CHST9: variants seen among roughly 807,000 people sequenced by gnomAD.
CHST9 encodes GalNAc-4-sulfotransferase 2.
Under a neutral mutation model 44.4 loss-of-function variants are expected in CHST9, and 41 were observed. That is an observed-to-expected ratio of 0.92 (90% CI 0.72 to 1.20). The LOEUF (loss-of-function observed/expected upper bound fraction) is 1.20, where lower values mean the gene tolerates loss of function less well. Among genes scored for constraint, CHST9 ranks in the 50% most tolerant of loss-of-function variants. CHST9 has a pLI of 0.00. For missense variants in CHST9, 504 were observed against 516.5 expected (o/e 0.98, Z 0.23); for synonymous variants, 171 against 178.4 (o/e 0.96, Z 0.33).
At chr18:27,001,106 G>GA (rs1329758597) in intron 4 of CHST9, among the ~76,000 whole-genome samples, 1 of 152,146 alleles carries the variant, frequency 6.6e-6, no homozygotes, top group Non-Finnish European at 1.5e-5. Flanking sequence ...AGGGGAATTG[G>GA]AAAAACTTTA....
At chr18:27,137,220 A>G (rs114678517) in intron 2 of CHST9, among the ~76,000 whole-genome samples, 2,361 of 150,968 alleles carry the variant, frequency 0.016, 64 homozygotes, top group African/African-American at 0.054. Context: ...ATAATTTATT[A>G]TTTATTAATT....
At chr18:27,069,269 GCTGTTT>G (rs1403204400) in intron 2 of CHST9, among the ~76,000 whole-genome samples, 2 of 151,988 alleles carry the variant, frequency 1.3e-5, no homozygotes, top group African/African-American at 4.8e-5. Context: ...TATAATAAAG[GCTGTTT>G]ATGTTCTCTA....
intron 1 of CHST9, among the ~76,000 whole-genome samples, chr18:27,164,509 A>G (rs1183690067): frequency 1.3e-5 from 2 of 152,128 alleles, no homozygotes; most frequent in Non-Finnish European, 2.9e-5. Context: ...TAGGAATTTC[A>G]GACAGTTAGA....
At chr18:26,918,606 T>C (rs2055584473) in intron 5 of CHST9, among the ~76,000 whole-genome samples, 1 of 152,112 alleles carries the variant, frequency 6.6e-6, no homozygotes. Context: ...CCTATAATAA[T>C]TTCTCTCAAA....
chr18:26,982,532 T>C (rs78620574), intron 4 of CHST9, among the ~76,000 whole-genome samples: 2,928 of 152,244 alleles, frequency 0.019, 109 homozygotes, highest in African/African-American at 0.067. Context: ...AGTAAATTCA[T>C]TGTGTGTCAG....
chr18:27,030,603 C>T (rs1251714966), intron 3 of CHST9, among the ~76,000 whole-genome samples: 1 of 152,232 alleles, frequency 6.6e-6, no homozygotes, highest in African/African-American at 2.4e-5. Flanking sequence ...TTCCTGTGCA[C>T]TGCCGGCTGC....
intron 2 of CHST9, among the ~76,000 whole-genome samples, chr18:27,065,204 C>T (rs937106452): frequency 3.9e-4 from 59 of 152,304 alleles, no homozygotes; most frequent in African/African-American, 1.2e-3. Flanking sequence ...CTTTGGTCTG[C>T]TTTCAGAGGA....
chr18:26,911,736 A>G lies in CHST9; in HGVS notation c.*4523T>C, dbSNP rs2055443041. 1 of 152,242 alleles carries G rather than the reference A, an allele frequency of 6.6e-6. No homozygotes were observed. Among genetic ancestry groups the G allele is most frequent in the Non-Finnish European group, 1.5e-5 (1 of 68,052 alleles). 9.4% of individuals were successfully genotyped at this position (152,242 alleles called of 1,614,324 possible). A position where few individuals can be genotyped will look rare whatever the true frequency, so the allele number is the denominator to read the frequency against. ...TGTGACTGACTAGGAAATTCTGAGA[A>G]TGAAATGATATGAGGCAATGTTCTG... On this transcript the variant is annotated 3_prime_UTR_variant, in exon 6 of 6. Coordinates refer to ENST00000618847, the MANE Select transcript of CHST9 (RefSeq NM_031422.6).
At chr18:26,980,857 G>A (rs1156637422) in intron 4 of CHST9, among the ~76,000 whole-genome samples, 1 of 152,156 alleles carries the variant, frequency 6.6e-6, no homozygotes, top group Non-Finnish European at 1.5e-5. Flanking sequence ...CAACCCATCG[G>A]CCAAAACGAA....
chr18:27,035,219 T>A (rs2057378605), intron 3 of CHST9, among the ~76,000 whole-genome samples: 1 of 152,212 alleles, frequency 6.6e-6, no homozygotes, highest in African/African-American at 2.4e-5. Flanking sequence ...AGCTAATATG[T>A]CATTGTGGTT....
At chr18:27,000,754 A>G (rs1317187263) in intron 4 of CHST9, among the ~76,000 whole-genome samples, 1 of 152,102 alleles carries the variant, frequency 6.6e-6, no homozygotes, top group African/African-American at 2.4e-5. Flanking sequence ...TTCCCCTAAA[A>G]TAGAGATTTA....
chr18:27,043,518 C>T (rs893179099), intron 3 of CHST9, among the ~76,000 whole-genome samples: 5 of 152,078 alleles, frequency 3.3e-5, no homozygotes, highest in Non-Finnish European at 7.4e-5. Flanking sequence ...GTTATCCTCC[C>T]GTACCTTCCA....
At chr18:27,053,485 C>T (rs1568151536) in intron 2 of CHST9, among the ~76,000 whole-genome samples, 1 of 152,116 alleles carries the variant, frequency 6.6e-6, no homozygotes. Context: ...AATACATTCC[C>T]CTCCATCAGG....
At chr18:27,000,622 GTCTA>G (rs6146241) in intron 4 of CHST9, among the ~76,000 whole-genome samples, 3,323 of 147,564 alleles carry the variant, frequency 0.023, 44 homozygotes, top group East Asian at 0.037. Flanking sequence ...TATTTGTTTT[GTCTA>G]TCTATCTATC....
intron 2 of CHST9, among the ~76,000 whole-genome samples, chr18:27,131,375 C>G (rs569540174): frequency 6.8e-6 from 1 of 147,534 alleles, no homozygotes; most frequent in East Asian, 1.9e-4. Flanking sequence ...CATGGTGAAA[C>G]CCCATCTCTA....
chr18:27,161,384 G>A, intron 1 of CHST9, among the ~76,000 whole-genome samples: 1 of 152,174 alleles, frequency 6.6e-6, no homozygotes, highest in Non-Finnish European at 1.5e-5. Flanking sequence ...TAGTCATTCA[G>A]GAGCAGGTTG....
intron 4 of CHST9, among the ~76,000 whole-genome samples, chr18:26,948,922 G>T (rs1299898748): frequency 6.6e-6 from 1 of 152,084 alleles, no homozygotes; most frequent in Non-Finnish European, 1.5e-5. Flanking sequence ...TGTAATACAC[G>T]CATACACTTT....
At chr18:27,007,690 A>T (rs2057033066) in intron 4 of CHST9, among the ~76,000 whole-genome samples, 1 of 152,200 alleles carries the variant, frequency 6.6e-6, no homozygotes. Context: ...GAGGATAATA[A>T]GATTAGGACA....
chr18:27,164,465 T>C (rs2058774888), intron 1 of CHST9, among the ~76,000 whole-genome samples: 1 of 150,782 alleles, frequency 6.6e-6, no homozygotes, highest in Non-Finnish European at 1.5e-5. Flanking sequence ...AGCCAGGAAA[T>C]TGGATTAATT....
Sources: gnomAD v4.1 joint callset for allele counts (sites outside exome capture counted in the v4.1 genomes callset) on GRCh38, gnomAD v4.1.1 for gene constraint, MANE v1.5 for transcripts, NCBI Gene and HGNC (gene_info 2026-07-23, HGNC 2026-07-21) for gene names.